Variants in SYNPR observed in about 807,000 individuals in gnomAD.
SYNPR encodes the protein synaptoporin.
A neutral mutation model predicts 32.9 loss-of-function variants in SYNPR; 23 were observed. The ratio of observed to expected loss-of-function variants is 0.70; its 90% CI spans 0.50 to 0.99. SYNPR has a LOEUF of 0.99. Ranked by LOEUF, SYNPR falls within the 50% of genes least tolerant of loss-of-function variation. The probability of loss-of-function intolerance (pLI) is 0.00; values close to 1 mark genes in which losing one functional copy is unlikely to be tolerated. For synonymous variants in SYNPR, 146 were observed against 135.9 expected (o/e 1.07, Z -0.52); for missense variants, 318 against 349.3 (o/e 0.91, Z 0.71).
chr3:63,580,604 A>T (rs566363048), intron 4 of SYNPR, among the ~76,000 whole-genome samples: 16 of 152,260 alleles, frequency 1.1e-4, no homozygotes, highest in Admixed American at 7.9e-4. Flanking sequence ...ATACAGATAC[A>T]GTTCCCAGTT....
chr3:63,605,199 A>T (rs1700100078), intron 4 of SYNPR, among the ~76,000 whole-genome samples: 1 of 152,214 alleles, frequency 6.6e-6, no homozygotes, highest in Non-Finnish European at 1.5e-5. Flanking sequence ...AAAGGTGTAC[A>T]TTTTAATTGC....
intron 2 of SYNPR, among the ~76,000 whole-genome samples, chr3:63,455,756 G>GGTGTGTGTGTGTGTGTGTGTGT (rs370244005): frequency 8.6e-4 from 124 of 144,374 alleles, no homozygotes; most frequent in African/African-American, 2.3e-3. Flanking sequence ...TCATGTTTGG[G>GGTGTGTGTGTGTGTGTGTGTGT]GTGTGTGTGT....
intron 2 of SYNPR, among the ~76,000 whole-genome samples, chr3:63,342,995 C>T (rs2087387968): frequency 6.6e-6 from 1 of 152,060 alleles, no homozygotes; most frequent in Non-Finnish European, 1.5e-5. Flanking sequence ...TCAGAAAAGG[C>T]CTGCCGGAGG....
At chr3:63,422,120 A>G (rs530577272) in intron 2 of SYNPR, among the ~76,000 whole-genome samples, 1 of 152,316 alleles carries the variant, frequency 6.6e-6, no homozygotes, top group Non-Finnish European at 1.5e-5. Flanking sequence ...CATTCAGGTT[A>G]GGAAATTACA....
intron 4 of SYNPR, among the ~76,000 whole-genome samples, chr3:63,596,407 T>G (rs940771569): frequency 4.2e-5 from 6 of 144,492 alleles, no homozygotes; most frequent in Non-Finnish European, 6.0e-5. Context: ...GCTCCTCCCC[T>G]CTCTCATCCT....
intron 2 of SYNPR, among the ~76,000 whole-genome samples, chr3:63,258,730 A>T (rs2086410285): frequency 6.6e-6 from 1 of 152,034 alleles, no homozygotes; most frequent in Admixed American, 6.6e-5. Flanking sequence ...TCAGAGCAGA[A>T]CTGAAGGAAA....
chr3:63,323,201 T>A (rs980535801), intron 2 of SYNPR, among the ~76,000 whole-genome samples: 2 of 151,938 alleles, frequency 1.3e-5, no homozygotes, highest in Admixed American at 6.6e-5. Context: ...CGCTTTTGAG[T>A]CAACAATCCT....
chr3:63,602,064 T>C (rs546861101), intron 4 of SYNPR, among the ~76,000 whole-genome samples: 1 of 152,340 alleles, frequency 6.6e-6, no homozygotes, highest in Non-Finnish European at 1.5e-5. Flanking sequence ...GGTATCTCTT[T>C]GTGGTTTTGA....
At chr3:63,614,443 G>A (rs1700248733) in intron 5 of SYNPR, among the ~76,000 whole-genome samples, 1 of 152,220 alleles carries the variant, frequency 6.6e-6, no homozygotes, top group Non-Finnish European at 1.5e-5. Flanking sequence ...CCCTCCTGGA[G>A]AGTAAGAGGA....
Position 63,480,850 on chromosome 3 carries a change from T to A in SYNPR, c.103T>A (p.Phe35Ile). ...ALELLFAIFA[F>I]ATCGGYSGGL... ...TCCACAGCTTTTTGCAATCTTTGCATTTGCAACATGCGGTGGCTATTCTGG... is the reference window on the plus strand; with the variant it reads ...TCCACAGCTTTTTGCAATCTTTGCAATTGCAACATGCGGTGGCTATTCTGG... Residue 35 changes from phenylalanine to isoleucine, a missense_variant, in exon 3 of 6, where the codon TTT (phenylalanine) becomes ATT (isoleucine). Coordinates refer to ENST00000478300, the MANE Select transcript of SYNPR (RefSeq NM_001130003.2). 3.7e-6 allele frequency: 6 copies of A among 1,613,440 alleles called. No homozygotes were observed. The highest frequency in any genetic ancestry group is 5.1e-6 in the Non-Finnish European group (6 of 1,179,532).
At chr3:63,580,717 T>C (rs1703075012) in intron 4 of SYNPR, among the ~76,000 whole-genome samples, 1 of 152,156 alleles carries the variant, frequency 6.6e-6, no homozygotes, top group African/African-American at 2.4e-5. Flanking sequence ...TTCACTTCTG[T>C]CACTCGTGAT....
intron 2 of SYNPR, among the ~76,000 whole-genome samples, chr3:63,361,499 G>A (rs1423205632): frequency 1.3e-5 from 2 of 151,550 alleles, no homozygotes; most frequent in African/African-American, 4.9e-5. Context: ...TCAGGAGGCT[G>A]AGGCAAGAGA....
rs1454296888 is a variant in SYNPR, at chr3:63,595,818, TTTATATATATATAG to T, written c.409-13295_409-13282del. ...ATATATAGTTATATATATATATAGT[TTTATATATATATAG>T]TTATATATATAGTTTTATATATATA... On this transcript the variant is annotated intron_variant, in intron 4 of 5. Coordinates refer to ENST00000478300, the MANE Select transcript of SYNPR (RefSeq NM_001130003.2). Among the ~76,000 whole-genome samples the T allele has an allele frequency of 1.7e-3, 113 of 66,220 alleles. 12 individuals carry two copies. The highest frequency in any genetic ancestry group is 6.7e-3 in the Middle Eastern group (1 of 150). The allele number at this position is 66,220 out of a possible 152,430, so 43.4% of individuals were successfully genotyped here. A position where few individuals can be genotyped will look rare whatever the true frequency, so the allele number is the denominator to read the frequency against.
chr3:63,296,579 C>T (rs762193825), intron 2 of SYNPR, among the ~76,000 whole-genome samples: 9 of 152,122 alleles, frequency 5.9e-5, no homozygotes, highest in Non-Finnish European at 2.9e-5. Context: ...TTCAGATAAA[C>T]ATCTAGGAAG....
chr3:63,471,676 TC>T (rs1700801559), intron 2 of SYNPR, among the ~76,000 whole-genome samples: 1 of 152,182 alleles, frequency 6.6e-6, no homozygotes. Context: ...CAGTACATAT[TC>T]CTCGCTTTTT....
rs988503805 is a variant in SYNPR at position 63,446,903 on chromosome 3, G to A, written c.85-33929G>A. Among the ~76,000 whole-genome samples the A allele has an allele frequency of 2.6e-5, 4 of 152,014 alleles. No individual in the cohort carries two copies. The South Asian group carries it at 6.2e-4, about 24-fold the overall frequency. On this transcript the variant is annotated intron_variant, in intron 2 of 5. Transcript: ENST00000478300. Reference sequence around the variant, plus strand: ...TGAGCTACTCTTGGTTAGGCACCCAGTTAGTTAAAAAAAGTTCAGAGTGCA... The same window carrying A: ...TGAGCTACTCTTGGTTAGGCACCCAATTAGTTAAAAAAAGTTCAGAGTGCA...
intron 2 of SYNPR, among the ~76,000 whole-genome samples, chr3:63,336,956 G>T (rs915360048): frequency 1.3e-5 from 2 of 152,012 alleles, no homozygotes; most frequent in African/African-American, 4.8e-5. Context: ...GAAAGGTCAG[G>T]CATGGTGGCT....
At chr3:63,547,932 A>G (rs1702437429) in intron 3 of SYNPR, among the ~76,000 whole-genome samples, 1 of 152,220 alleles carries the variant, frequency 6.6e-6, no homozygotes, top group Non-Finnish European at 1.5e-5. Flanking sequence ...GGGCTAGTGT[A>G]TGCTCAATAA....
At chr3:63,291,948 G>A (rs1247417528) in intron 2 of SYNPR, among the ~76,000 whole-genome samples, 1 of 152,152 alleles carries the variant, frequency 6.6e-6, no homozygotes, top group African/African-American at 2.4e-5. Context: ...ACCATAGAGT[G>A]TACTTACACA....
Sources: allele counts gnomAD v4.1 joint callset (sites outside exome capture counted in the v4.1 genomes callset), GRCh38; gene constraint gnomAD v4.1.1; transcripts MANE v1.5; gene names NCBI Gene and HGNC (gene_info 2026-07-23, HGNC 2026-07-21).